PRKCA: variants seen among roughly 807,000 people sequenced by gnomAD.
PRKCA encodes the protein protein kinase C alpha.
In PRKCA, 27 loss-of-function variants were observed where a neutral mutation model predicts 87.0. The ratio of observed to expected loss-of-function variants is 0.31; its 90% CI spans 0.23 to 0.43. The LOEUF (loss-of-function observed/expected upper bound fraction) is 0.43. Ranked by LOEUF, PRKCA falls within the 20% of genes least tolerant of loss-of-function variation. The pLI is 1.00. For missense variants in PRKCA, 518 were observed against 852.3 expected, an observed-to-expected ratio of 0.61 and a Z score of 4.88; for synonymous variants, 329 against 311.1, an observed-to-expected ratio of 1.06 and a Z score of -0.61.
chr17:66,658,460 C>T (rs1971797007), intron 5 of PRKCA, among the ~76,000 whole-genome samples: 1 of 151,766 alleles, frequency 6.6e-6, no homozygotes, highest in African/African-American at 2.4e-5. Context: ...GCACTCCAGC[C>T]TGGACAACAA....
At chr17:66,499,367 A>C (rs921146240) in intron 3 of PRKCA, among the ~76,000 whole-genome samples, 2 of 152,168 alleles carry the variant, frequency 1.3e-5, no homozygotes, top group African/African-American at 2.4e-5. Flanking sequence ...AAGGGGCTAT[A>C]GGCCAATACT....
At chr17:66,387,601 A>G (rs55775845) in intron 2 of PRKCA, among the ~76,000 whole-genome samples, 2,000 of 152,308 alleles carry the variant, frequency 0.013, 27 homozygotes, top group African/African-American at 0.037. Flanking sequence ...GCAGAGAACA[A>G]TAGAAGCCGT....
intron 5 of PRKCA, among the ~76,000 whole-genome samples, chr17:66,675,564 C>G (rs1972306627): frequency 6.6e-6 from 1 of 152,182 alleles, no homozygotes; most frequent in African/African-American, 2.4e-5. Context: ...CAGAGGTTCT[C>G]TACCCAGGGC....
chr17:66,384,672 A>T (rs1909951708), intron 2 of PRKCA, among the ~76,000 whole-genome samples: 2 of 151,806 alleles, frequency 1.3e-5, no homozygotes, highest in African/African-American at 4.8e-5. Flanking sequence ...TCTGTCGCCC[A>T]GGCTGGAGTG....
At position 66,629,620 on chromosome 17, in the gene PRKCA, G is replaced by A. The variant is rs183080752; in HGVS notation, c.289-11735G>A. On this transcript the variant is annotated intron_variant, in intron 3 of 16. Coordinates refer to ENST00000413366, the MANE Select transcript of PRKCA (RefSeq NM_002737.3). ...GATGCTTCTTGTATTCCTATTTTAC[G>A]TTCCTTTCCAACTATGGTATTGGAA... 2.4e-4 allele frequency among the ~76,000 whole-genome samples: 37 copies of A among 152,256 alleles called. No individual in the cohort carries two copies. In the East Asian group the frequency reaches 5.8e-3, roughly 24 times the overall value.
At chr17:66,683,674 A>C (rs2144016621) in intron 5 of PRKCA, among the ~76,000 whole-genome samples, 1 of 152,204 alleles carries the variant, frequency 6.6e-6, no homozygotes, top group East Asian at 1.9e-4. Flanking sequence ...ATCTCAGCTC[A>C]CTGCAGCCTC....
chr17:66,640,930 G>C, intron 3 of PRKCA: 1 of 392,428 alleles, frequency 2.5e-6, no homozygotes, highest in Admixed American at 3.1e-5. Flanking sequence ...GGAGGCCAAG[G>C]CTGGTGCATC....
chr17:66,762,013 A>G (rs978006497), intron 13 of PRKCA, among the ~76,000 whole-genome samples: 3 of 152,168 alleles, frequency 2.0e-5, no homozygotes, highest in East Asian at 1.9e-4. Flanking sequence ...TAAAAAATCA[A>G]TTTAATTGCC....
intron 2 of PRKCA, among the ~76,000 whole-genome samples, chr17:66,486,505 G>A (rs956576073): frequency 6.6e-6 from 1 of 151,966 alleles, no homozygotes; most frequent in Non-Finnish European, 1.5e-5. Flanking sequence ...GTGATTGCCG[G>A]ACTGTTCTTG....
intron 8 of PRKCA, chr17:66,696,352 C>T (rs1972922239): frequency 6.6e-6 from 1 of 152,196 alleles, no homozygotes; most frequent in Admixed American, 6.5e-5. Flanking sequence ...CATATCCCTG[C>T]TCTACCACTT....
chr17:66,701,712 G>T (rs1285158491), intron 8 of PRKCA, among the ~76,000 whole-genome samples: 2 of 152,074 alleles, frequency 1.3e-5, no homozygotes, highest in Non-Finnish European at 2.9e-5. Context: ...TAAAGGAAAA[G>T]GTGCTTAATG....
intron 2 of PRKCA, among the ~76,000 whole-genome samples, chr17:66,328,465 T>G (rs892581271): frequency 1.3e-5 from 2 of 151,948 alleles, no homozygotes; most frequent in Non-Finnish European, 2.9e-5. Context: ...AGCCAGCAAC[T>G]GCAAAGGCCC....
intron 3 of PRKCA, among the ~76,000 whole-genome samples, chr17:66,625,392 C>T (rs1598824608): frequency 6.6e-6 from 1 of 152,196 alleles, no homozygotes; most frequent in Non-Finnish European, 1.5e-5. Flanking sequence ...CCTCTCTACT[C>T]TGCTGGTGAC....
At chr17:66,683,128 T>C (rs1205973475) in intron 5 of PRKCA, among the ~76,000 whole-genome samples, 1 of 152,214 alleles carries the variant, frequency 6.6e-6, no homozygotes, top group Non-Finnish European at 1.5e-5. Flanking sequence ...AGACAGAAGA[T>C]CTCAGGCAAC....
chr17:66,457,183 G>T (rs1914611875), intron 2 of PRKCA, among the ~76,000 whole-genome samples: 1 of 152,142 alleles, frequency 6.6e-6, no homozygotes, highest in South Asian at 2.1e-4. Context: ...TTTCTCACCA[G>T]TGTTTTGGGT....
chr17:66,551,804 G>A (rs915101302), intron 3 of PRKCA, among the ~76,000 whole-genome samples: 3 of 152,012 alleles, frequency 2.0e-5, no homozygotes, highest in African/African-American at 7.2e-5. Flanking sequence ...AGAGAGGGGG[G>A]AATTATCTTT....
At chr17:66,419,675 C>T (rs72838223) in intron 2 of PRKCA, among the ~76,000 whole-genome samples, 8 of 152,172 alleles carry the variant, frequency 5.3e-5, no homozygotes, top group Non-Finnish European at 4.4e-5. Flanking sequence ...GTTTTACTAA[C>T]CAGAATTAAA....
intron 8 of PRKCA, among the ~76,000 whole-genome samples, chr17:66,703,096 C>G (rs1020700783): frequency 1.3e-5 from 2 of 152,148 alleles, no homozygotes; most frequent in Non-Finnish European, 2.9e-5. Flanking sequence ...TTAGGCTACA[C>G]TCAATTTATT....
intron 2 of PRKCA, among the ~76,000 whole-genome samples, chr17:66,480,153 G>A (rs555885156): frequency 6.6e-6 from 1 of 151,936 alleles, no homozygotes; most frequent in Non-Finnish European, 1.5e-5. Context: ...AAATTTGTGG[G>A]TGCTTCTATG....
Sources: allele counts gnomAD v4.1 joint callset (sites outside exome capture counted in the v4.1 genomes callset), GRCh38; gene constraint gnomAD v4.1.1; transcripts MANE v1.5; gene names NCBI Gene and HGNC (gene_info 2026-07-23, HGNC 2026-07-21).